TBC1D22A: variants seen among roughly 807,000 people sequenced by gnomAD.
TBC1D22A encodes the protein TBC1 domain family member 22A, also known as putative GTPase activator.
Under a neutral mutation model 60.2 loss-of-function variants are expected in TBC1D22A, and 38 were observed. The ratio of observed to expected loss-of-function variants is 0.63; its 90% CI spans 0.49 to 0.83. The LOEUF (loss-of-function observed/expected upper bound fraction) is 0.83, where lower values mean the gene tolerates loss of function less well. Among genes scored for constraint, TBC1D22A ranks in the 40% least tolerant of loss-of-function variants. The pLI is 0.00. For synonymous variants in TBC1D22A, 302 were observed against 281.7 expected (o/e 1.07, Z -0.72); for missense variants, 628 against 701.0 (o/e 0.90, Z 1.18).
At chr22:46,922,858 A>T (rs905355960) in intron 8 of TBC1D22A, among the ~76,000 whole-genome samples, 5 of 152,164 alleles carry the variant, frequency 3.3e-5, no homozygotes, top group Non-Finnish European at 7.3e-5. Flanking sequence ...CTAGGTATAG[A>T]ATCGTATTGA....
At chr22:46,995,858 C>G (rs1022543712) in intron 9 of TBC1D22A, among the ~76,000 whole-genome samples, 4 of 152,146 alleles carry the variant, frequency 2.6e-5, no homozygotes, top group African/African-American at 9.7e-5. Flanking sequence ...TGCCACACCA[C>G]TCTCTGGTTT....
intron 8 of TBC1D22A, chr22:46,913,894 C>A (rs903438958): frequency 4.3e-6 from 2 of 466,422 alleles, no homozygotes; most frequent in African/African-American, 4.2e-5. Context: ...CTTAATTGTC[C>A]AGAAGAAAGA....
rs114091802 is a variant in TBC1D22A at position 47,005,578 on chromosome 22, C to T, written c.1201+7869C>T. ...ACACACATATGCATATAAACATACA[C>T]GCAAACCTATACACACACACACCTC... On this transcript the variant is annotated intron_variant, in intron 10 of 12. Transcript: ENST00000337137. Among the ~76,000 whole-genome samples the T allele has an allele frequency of 3.5e-3, 530 of 150,916 alleles. 7 individuals are homozygous for T. The highest frequency in any genetic ancestry group is 0.012 in the African/African-American group (497 of 40,720).
At chr22:47,051,687 C>A (rs1028018925) in intron 11 of TBC1D22A, among the ~76,000 whole-genome samples, 11 of 152,162 alleles carry the variant, frequency 7.2e-5, no homozygotes, top group African/African-American at 2.7e-4. Context: ...GCCCTGGCCG[C>A]TTGCCTGGGG....
chr22:47,007,928 A>G (rs972022277), intron 10 of TBC1D22A, among the ~76,000 whole-genome samples: 1 of 152,246 alleles, frequency 6.6e-6, no homozygotes, highest in African/African-American at 2.4e-5. Context: ...GTTTAGACCA[A>G]GATACAGTTC....
intron 8 of TBC1D22A, among the ~76,000 whole-genome samples, chr22:46,941,695 G>A (rs1239034470): frequency 1.7e-5 from 1 of 58,894 alleles, no homozygotes; most frequent in African/African-American, 1.0e-4. Context: ...TATATACGCG[G>A]ATTATATATG....
At chr22:47,033,746 A>G (rs1226349543) in intron 10 of TBC1D22A, among the ~76,000 whole-genome samples, 2 of 152,186 alleles carry the variant, frequency 1.3e-5, no homozygotes, top group Non-Finnish European at 2.9e-5. Flanking sequence ...GGCTGCCATG[A>G]GGGTGAGCCC....
At chr22:47,078,408 C>T (rs182204072) in intron 11 of TBC1D22A, among the ~76,000 whole-genome samples, 1 of 152,350 alleles carries the variant, frequency 6.6e-6, no homozygotes, top group African/African-American at 2.4e-5. Flanking sequence ...CCCCTCCCCT[C>T]CCCGGAGAGC....
chr22:46,905,582 G>A (rs573597349), intron 7 of TBC1D22A, among the ~76,000 whole-genome samples: 1 of 152,372 alleles, frequency 6.6e-6, no homozygotes, highest in South Asian at 2.1e-4. Context: ...AGAGAAGCCT[G>A]CGGTCGGTTG....
At chr22:47,025,051 G>T (rs1214561691) in intron 10 of TBC1D22A, among the ~76,000 whole-genome samples, 3 of 152,182 alleles carry the variant, frequency 2.0e-5, no homozygotes, top group African/African-American at 7.2e-5. Flanking sequence ...GAGTGGGTCA[G>T]TTAATCAATT....
At chr22:46,941,654 A>T (rs1183756119) in intron 8 of TBC1D22A, among the ~76,000 whole-genome samples, 13 of 66,950 alleles carry the variant, frequency 1.9e-4, no homozygotes, top group Non-Finnish European at 3.5e-4. Flanking sequence ...TATATACGGA[A>T]TATATATACG....
intron 11 of TBC1D22A, among the ~76,000 whole-genome samples, chr22:47,051,787 T>C (rs1485650127): frequency 1.3e-5 from 2 of 152,190 alleles, no homozygotes; most frequent in Non-Finnish European, 2.9e-5. Flanking sequence ...GCTCCTCTGC[T>C]CCCGCTGTGT....
intron 6 of TBC1D22A, 26 bp downstream of exon 6, chr22:46,891,420 T>C: frequency 6.3e-7 from 1 of 1,584,368 alleles, no homozygotes; most frequent in Non-Finnish European, 8.6e-7. Context: ...TTTTTTCGTA[T>C]GTTGCCTGAT....
chr22:47,096,682 T>C (rs112792684), intron 11 of TBC1D22A, among the ~76,000 whole-genome samples: 12,565 of 151,860 alleles, frequency 0.083, 897 homozygotes, highest in African/African-American at 0.19. Flanking sequence ...ATTAGCCGGG[T>C]GTAGTGGCGC....
At chr22:47,003,670 CCCCTACACACATGCCTGTATACACACA>C (rs560742673) in intron 10 of TBC1D22A, among the ~76,000 whole-genome samples, 9,309 of 136,412 alleles carry the variant, frequency 0.068, 776 homozygotes, top group African/African-American at 0.19. Flanking sequence ...TACACACACA[CCCCTACACACATGCCTGTATACACACA>C]CCCTACACAC....
rs145638125 is a variant in TBC1D22A, at chr22:47,132,955, C to G, written c.1425+21352C>G. Among the ~76,000 whole-genome samples, 461 of 152,326 alleles carry G rather than the reference C, an allele frequency of 3.0e-3. 2 individuals are homozygous for G. Among genetic ancestry groups the G allele is most frequent in the African/African-American group, 0.011 (443 of 41,574 alleles). On this transcript the variant is annotated intron_variant, in intron 12 of 12. Coordinates refer to ENST00000337137, the MANE Select transcript of TBC1D22A (RefSeq NM_014346.5). ...GTTCATTTGGAGATTTCAGCCTCGC[C>G]GAAGGGCTCACTTGGATGTGAGCTC...
chr22:47,003,694 C>G (rs2061475682), intron 10 of TBC1D22A, among the ~76,000 whole-genome samples: 1 of 123,998 alleles, frequency 8.1e-6, no homozygotes, highest in African/African-American at 4.3e-5. Flanking sequence ...CCTGTATACA[C>G]ACACCCTACA....
chr22:46,779,737 C>T (rs1345569728), intron 1 of TBC1D22A, among the ~76,000 whole-genome samples: 6 of 152,192 alleles, frequency 3.9e-5, no homozygotes, highest in African/African-American at 2.4e-5. Context: ...CTCAGTGCTC[C>T]GAGGGCTGTG....
In TBC1D22A at chr22:46,945,415, C is replaced by T. The variant is rs575204780; in HGVS notation, c.1016-28875C>T. On this transcript the variant is annotated intron_variant, in intron 8 of 12. Transcript: ENST00000337137. ...GTTTCTGAAGCTTTTAAAGAACTTT[C>T]CTTGTTATTATGTCTTACTAATTCA... Among the ~76,000 whole-genome samples, 7 of 152,296 alleles carry T rather than the reference C, an allele frequency of 4.6e-5. No individual in the cohort carries two copies. The South Asian group carries it at 1.5e-3, about 32-fold the overall frequency.
Sources: allele counts gnomAD v4.1 joint callset (sites outside exome capture counted in the v4.1 genomes callset), GRCh38; gene constraint gnomAD v4.1.1; transcripts MANE v1.5; gene names NCBI Gene and HGNC (gene_info 2026-07-23, HGNC 2026-07-21).